The following HNF4A variants were observed in gnomAD, a reference collection of about 807,000 sequenced individuals.
HNF4A encodes hepatocyte nuclear factor 4 alpha, also known as hepatocyte nuclear factor 4-alpha.
Under a neutral mutation model 52.4 loss-of-function variants are expected in HNF4A, and 15 were observed. The ratio of observed to expected loss-of-function variants is 0.29; its 90% CI spans 0.19 to 0.44. The LOEUF (loss-of-function observed/expected upper bound fraction) is 0.44, where lower values mean the gene tolerates loss of function less well. Ranked by LOEUF, HNF4A falls within the 20% of genes least tolerant of loss-of-function variation. The pLI is 1.00. For missense variants in HNF4A, 479 were observed against 647.2 expected, an observed-to-expected ratio of 0.74 and a Z score of 2.82; for synonymous variants, 280 against 264.4, an observed-to-expected ratio of 1.06 and a Z score of -0.57.
At chr20:44,399,939 C>T (rs6017339), upstream of HNF4A, among the ~76,000 whole-genome samples, 830 of 152,306 alleles carry the variant, frequency 5.4e-3, 7 homozygotes, top group East Asian at 0.034. Flanking sequence ...GGCTCCCAGG[C>T]CTCCCAAGTC....
At chr20:44,379,103 C>T (rs185445865) in intron 1 of HNF4A, among the ~76,000 whole-genome samples, 5 of 152,220 alleles carry the variant, frequency 3.3e-5, no homozygotes, top group African/African-American at 1.2e-4. Context: ...AGGATCCATC[C>T]ATGTTGTAGC....
chr20:44,414,980 T>C (rs1417642366), intron 5 of HNF4A, among the ~76,000 whole-genome samples: 1 of 152,182 alleles, frequency 6.6e-6, no homozygotes, highest in Non-Finnish European at 1.5e-5. Context: ...GATTAGAACC[T>C]GGCAGGAAGC....
At position 44,424,392 on chromosome 20, in the gene HNF4A, T is replaced by C. The variant is rs1478693292; in HGVS notation, c.1129+138T>C. The C allele has an allele frequency of 3.5e-6, 5 of 1,412,420 alleles. No homozygotes were observed. The African/African-American group carries it at 5.7e-5, about 16-fold the overall frequency. The allele number at this position is 1,412,420 out of a possible 1,614,324, so 87.5% of individuals were successfully genotyped here. A position where few individuals can be genotyped will look rare whatever the true frequency, so the allele number is the denominator to read the frequency against. ...GCAAGTTGCTTAACCTGTCTGTGCCTCAGTTTCCTCACCAGAAAAATGGGA... is the reference window on the plus strand; with the variant it reads ...GCAAGTTGCTTAACCTGTCTGTGCCCCAGTTTCCTCACCAGAAAAATGGGA... On this transcript the variant is annotated intron_variant, in intron 8 of 9. Coordinates refer to ENST00000316099, the MANE Select transcript of HNF4A (RefSeq NM_000457.6).
intron 1 of HNF4A, chr20:44,389,544 C>T (rs1167163748): frequency 6.6e-6 from 1 of 152,202 alleles, no homozygotes; most frequent in Admixed American, 6.5e-5. Context: ...GATATTTTGC[C>T]CATGGTCTTC....
At position 44,430,570 on chromosome 20, in the gene HNF4A, T is replaced by G. The variant is rs976902162; in HGVS notation, c.*905T>G. ...CCAAAGAACAGCCTGAGCCAAGGCC[T>G]AGTGGTAGTAAGAATCTAGCAAGAA... is the stretch of plus-strand genomic sequence containing the variant. On this transcript the variant is annotated 3_prime_UTR_variant, in exon 10 of 10. Coordinates refer to ENST00000316099, the MANE Select transcript of HNF4A (RefSeq NM_000457.6). 3 of 152,532 alleles carry G rather than the reference T, an allele frequency of 2.0e-5. No individual in the cohort carries two copies. Among genetic ancestry groups the G allele is most frequent in the Non-Finnish European group, 4.4e-5 (3 of 68,288 alleles). The allele number at this position is 152,532 out of a possible 1,614,324, so 9.4% of individuals were successfully genotyped here. A position where few individuals can be genotyped will look rare whatever the true frequency, so the allele number is the denominator to read the frequency against.
At chr20:44,369,750 T>A (rs1198882475) in intron 1 of HNF4A, among the ~76,000 whole-genome samples, 1 of 152,116 alleles carries the variant, frequency 6.6e-6, no homozygotes, top group African/African-American at 2.4e-5. Context: ...CACTGCAACC[T>A]CCGCCTCCCA....
At chr20:44,423,240 C>T (rs1273446838) in intron 7 of HNF4A, among the ~76,000 whole-genome samples, 1 of 152,106 alleles carries the variant, frequency 6.6e-6, no homozygotes, top group Non-Finnish European at 1.5e-5. Context: ...CGCTTGAACC[C>T]AGGAGGCAGA....
chr20:44,408,553 C>T (rs765659287), intron 3 of HNF4A, among the ~76,000 whole-genome samples: 5 of 151,970 alleles, frequency 3.3e-5, no homozygotes, highest in Non-Finnish European at 4.4e-5. Flanking sequence ...GGTAAAACCC[C>T]GTCTCTACTA....
chr20:44,401,370 A>G lies in HNF4A; in HGVS notation c.-3A>G, dbSNP rs780513636. 1.2e-6 allele frequency: 2 copies of G among 1,614,070 alleles called. No homozygotes were observed. Among genetic ancestry groups the G allele is most frequent in the Non-Finnish European group, 1.7e-6 (2 of 1,180,016 alleles). On this transcript the variant is annotated 5_prime_UTR_variant, in exon 1 of 10. Transcript: ENST00000316099. ...AGGTGGCCGCGGCGTGGAGGCAGGG[A>G]GAATGCGACTCTCCAAAACCCTCGT...
chr20:44,401,208 C>G, upstream of HNF4A: 2 of 1,502,812 alleles, frequency 1.3e-6, no homozygotes, highest in South Asian at 1.3e-5. Context: ...AGCCTCCACC[C>G]CTTCACAGAG....
At chr20:44,426,738 T>C (rs2063818868) in intron 8 of HNF4A, among the ~76,000 whole-genome samples, 1 of 151,918 alleles carries the variant, frequency 6.6e-6, no homozygotes, top group South Asian at 2.1e-4. Flanking sequence ...ACCCGGGAGA[T>C]GGAGGTTGAA....
chr20:44,394,580 A>T (rs1204830082), intron 1 of HNF4A, among the ~76,000 whole-genome samples: 1 of 152,104 alleles, frequency 6.6e-6, no homozygotes, highest in Non-Finnish European at 1.5e-5. Context: ...GCCGCTTCCC[A>T]TCCCTGTTTG....
intron 1 of HNF4A, among the ~76,000 whole-genome samples, chr20:44,376,029 G>A (rs549260186): frequency 3.9e-5 from 6 of 151,968 alleles, no homozygotes; most frequent in Admixed American, 2.0e-4. Flanking sequence ...GGCGGATCAC[G>A]AGGTTAAGAG....
chr20:44,414,593 G>A lies in HNF4A; in HGVS notation c.579G>A (p.Glu193=). ...CAGATGTGTGTGAGTCCATGAAGGA[G>A]CAGCTGCTGGTTCTCGTTGAGTGGG... Residue 193 remains glutamate (E), a synonymous_variant, in exon 5 of 10, where the codon GAG becomes GAA. Coordinates refer to ENST00000316099, the MANE Select transcript of HNF4A (RefSeq NM_000457.6). The A allele has an allele frequency of 6.2e-7, 1 of 1,614,216 alleles. No homozygotes were observed. Among genetic ancestry groups the A allele is most frequent in the Non-Finnish European group, 8.5e-7 (1 of 1,180,032 alleles).
intron 7 of HNF4A, among the ~76,000 whole-genome samples, chr20:44,422,185 C>G (rs554561461): frequency 3.3e-4 from 50 of 152,264 alleles, no homozygotes; most frequent in Non-Finnish European, 4.1e-4. Flanking sequence ...CACCTGCTAT[C>G]CCACACTTAC....
intron 5 of HNF4A, among the ~76,000 whole-genome samples, chr20:44,415,871 GAT>G (rs1436367067): frequency 6.6e-6 from 1 of 152,094 alleles, no homozygotes. Context: ...ACAGGGCAAG[GAT>G]CTTGGACAAT....
At chr20:44,421,317 T>C (rs1310231535) in intron 7 of HNF4A, among the ~76,000 whole-genome samples, 1 of 152,216 alleles carries the variant, frequency 6.6e-6, no homozygotes, top group African/African-American at 2.4e-5. Flanking sequence ...TCAGTCTTTG[T>C]ACAAAACTTG....
At chr20:44,390,208 T>C (rs1197422976) in intron 1 of HNF4A, among the ~76,000 whole-genome samples, 7 of 152,078 alleles carry the variant, frequency 4.6e-5, no homozygotes, top group African/African-American at 1.7e-4. Flanking sequence ...ACAATGCCAA[T>C]AGGGGGATGG....
chr20:44,371,487 C>T (rs1445270858), intron 1 of HNF4A, among the ~76,000 whole-genome samples: 1 of 152,046 alleles, frequency 6.6e-6, no homozygotes, highest in African/African-American at 2.4e-5. Flanking sequence ...CCATGTTGGC[C>T]AGGCTGGTCT....
Sources: allele counts gnomAD v4.1 joint callset (sites outside exome capture counted in the v4.1 genomes callset), GRCh38; gene constraint gnomAD v4.1.1; transcripts MANE v1.5; gene names NCBI Gene and HGNC (gene_info 2026-07-23, HGNC 2026-07-21).